Variants in CDK17 observed in about 807,000 individuals in gnomAD.
The protein encoded by CDK17 is cyclin-dependent kinase 17.
CDK17 carries 24 observed loss-of-function variants against 77.6 expected under a neutral mutation model. The ratio of observed to expected loss-of-function variants is 0.31; its 90% CI spans 0.22 to 0.44. The LOEUF (loss-of-function observed/expected upper bound fraction) is 0.44, where lower values mean the gene tolerates loss of function less well. Among genes scored for constraint, CDK17 ranks in the 20% least tolerant of loss-of-function variants. The pLI, the probability that CDK17 is intolerant of heterozygous loss-of-function variation, is 1.00. For synonymous variants in CDK17, 203 were observed against 210.4 expected (o/e 0.96, Z 0.30); for missense variants, 429 against 622.5 (o/e 0.69, Z 3.31).
At chr12:96,316,024 C>G (rs1338023559) in intron 3 of CDK17, among the ~76,000 whole-genome samples, 1 of 152,172 alleles carries the variant, frequency 6.6e-6, no homozygotes, top group Non-Finnish European at 1.5e-5. Context: ...CGGGTGATTT[C>G]TGCATTTCCA....
chr12:96,384,592 A>G (rs1450926868), intron 1 of CDK17, among the ~76,000 whole-genome samples: 2 of 152,206 alleles, frequency 1.3e-5, no homozygotes, highest in African/African-American at 4.8e-5. Flanking sequence ...AAAGAATGAG[A>G]CCTTGTTCTT....
rs1449147225 is a variant in CDK17 at position 96,298,977 on chromosome 12, AT to A, written c.606del (p.Tyr203MetfsTer11). On this transcript the variant is annotated frameshift_variant, in exon 7 of 17. Coordinates refer to ENST00000261211, the MANE Select transcript of CDK17 (RefSeq NM_002595.5). LOFTEE classifies it high-confidence loss of function. ...YIKLEKLGEG[T>X]YATVYKGRSK... ...CTTCTTCCTTTATATACTGTTGCAT[AT>A]GTACCCTATAAAATATATTTTTAAA... 6.8e-7 allele frequency: 1 copy of A among 1,464,224 alleles called. No homozygotes were observed. Among genetic ancestry groups the A allele is most frequent in the South Asian group, 1.2e-5 (1 of 86,090 alleles). The allele number at this position is 1,464,224 out of a possible 1,614,324, so 90.7% of individuals were successfully genotyped here.
chr12:96,283,574 T>TGTTA, intron 14 of CDK17, 29 bp downstream of exon 14: 1 of 1,432,340 alleles, frequency 7.0e-7, no homozygotes, highest in African/African-American at 1.4e-5. Context: ...TAACAACCTA[T>TGTTA]TTAACAATTA....
intron 1 of CDK17, among the ~76,000 whole-genome samples, chr12:96,356,496 C>A (rs1002300808): frequency 6.6e-6 from 1 of 152,102 alleles, no homozygotes; most frequent in African/African-American, 2.4e-5. Context: ...GTTTTGAACT[C>A]CTGAACTCAA....
intron 1 of CDK17, among the ~76,000 whole-genome samples, chr12:96,350,376 A>T (rs34749536): frequency 6.6e-6 from 1 of 151,888 alleles, no homozygotes; most frequent in South Asian, 2.1e-4. Context: ...GACAACGACG[A>T]TATCTTAAAA....
rs141807866 is a variant in CDK17 at position 96,350,042 on chromosome 12, T to C, written c.-29-15177A>G. Among the ~76,000 whole-genome samples, 1,456 of 152,198 alleles carry C rather than the reference T, an allele frequency of 9.6e-3. 8 individuals carry two copies. Among genetic ancestry groups the C allele is most frequent in the Non-Finnish European group, 0.013 (898 of 67,990 alleles). Reference sequence around the variant, plus strand: ...TAGAATAGCATCAAAAACAGTAAAATACTTAGGAATAAATTTAACCAATGC... The same window carrying C: ...TAGAATAGCATCAAAAACAGTAAAACACTTAGGAATAAATTTAACCAATGC... On this transcript the variant is annotated intron_variant, in intron 1 of 16. Transcript: ENST00000261211.
chr12:96,377,682 G>GT (rs775466391), intron 1 of CDK17, among the ~76,000 whole-genome samples: 8,002 of 138,374 alleles, frequency 0.058, 298 homozygotes, highest in East Asian at 0.12. Flanking sequence ...TACAGAAGCA[G>GT]TTTTTTTTTT....
At chr12:96,314,739 C>T (rs1378079462) in intron 3 of CDK17, among the ~76,000 whole-genome samples, 2 of 152,188 alleles carry the variant, frequency 1.3e-5, no homozygotes, top group African/African-American at 4.8e-5. Context: ...TTTCTATACA[C>T]GTATTCATTT....
At chr12:96,307,075 C>G (rs530453591) in intron 5 of CDK17, among the ~76,000 whole-genome samples, 99 of 152,266 alleles carry the variant, frequency 6.5e-4, no homozygotes, top group African/African-American at 2.3e-3. Flanking sequence ...GCAGGAGGAT[C>G]ACCTGAGATG....
intron 9 of CDK17, among the ~76,000 whole-genome samples, chr12:96,295,580 A>C (rs1276081589): frequency 6.6e-6 from 1 of 152,168 alleles, no homozygotes; most frequent in Admixed American, 6.5e-5. Context: ...AGTGTCTTTA[A>C]AATAAGGCAC....
At chr12:96,384,559 T>C (rs1953940023) in intron 1 of CDK17, among the ~76,000 whole-genome samples, 1 of 152,178 alleles carries the variant, frequency 6.6e-6, no homozygotes, top group African/African-American at 2.4e-5. Context: ...ATACACACCA[T>C]GGAGTACTGT....
At chr12:96,377,782 C>A (rs955457937) in intron 1 of CDK17, among the ~76,000 whole-genome samples, 2 of 151,476 alleles carry the variant, frequency 1.3e-5, no homozygotes, top group Admixed American at 6.6e-5. Context: ...CAAGCTCCCC[C>A]TCCCGGGTTC....
chr12:96,338,855 G>A (rs1242938702), intron 1 of CDK17, among the ~76,000 whole-genome samples: 1 of 151,130 alleles, frequency 6.6e-6, no homozygotes, highest in Non-Finnish European at 1.5e-5. Context: ...TGCAGTTTCA[G>A]TGGTATTTAT....
intron 1 of CDK17, among the ~76,000 whole-genome samples, chr12:96,389,357 CAT>C (rs952963078): frequency 1.3e-5 from 2 of 152,056 alleles, no homozygotes; most frequent in Non-Finnish European, 2.9e-5. Context: ...AAATTGAAAA[CAT>C]ATAACCAATT....
At chr12:96,382,727 T>C (rs1470355085) in intron 1 of CDK17, among the ~76,000 whole-genome samples, 1 of 152,154 alleles carries the variant, frequency 6.6e-6, no homozygotes. Flanking sequence ...ATAAATGTGA[T>C]TCACCACTAA....
At chr12:96,313,891 C>G (rs932009202) in intron 3 of CDK17, among the ~76,000 whole-genome samples, 11 of 152,146 alleles carry the variant, frequency 7.2e-5, no homozygotes, top group African/African-American at 2.7e-4. Context: ...TAATGTGTCA[C>G]TGGGTCTATG....
At chr12:96,383,306 G>T (rs1953916761) in intron 1 of CDK17, among the ~76,000 whole-genome samples, 1 of 148,308 alleles carries the variant, frequency 6.7e-6, no homozygotes, top group Admixed American at 6.8e-5. Flanking sequence ...TTAATTAGAA[G>T]AATCAATATC....
chr12:96,390,126 C>T (rs544021518), intron 1 of CDK17, among the ~76,000 whole-genome samples: 24 of 148,176 alleles, frequency 1.6e-4, no homozygotes, highest in African/African-American at 6.0e-4. Context: ...GCGCGCCCGG[C>T]TGAAAAGAGG....
intron 1 of CDK17, among the ~76,000 whole-genome samples, chr12:96,362,089 T>G (rs554536610): frequency 6.6e-6 from 1 of 152,314 alleles, no homozygotes; most frequent in African/African-American, 2.4e-5. Context: ...GAATATAGCA[T>G]TACTGAATAA....
Sources: gnomAD v4.1 joint callset for allele counts (sites outside exome capture counted in the v4.1 genomes callset) on GRCh38, gnomAD v4.1.1 for gene constraint, MANE v1.5 for transcripts, NCBI Gene and HGNC (gene_info 2026-07-23, HGNC 2026-07-21) for gene names.